The following MAP4K5 variants were observed in gnomAD, a reference collection of about 807,000 sequenced individuals.
MAP4K5 encodes MAPK/ERK kinase kinase kinase 5.
Under a neutral mutation model 135.6 loss-of-function variants are expected in MAP4K5, and 82 were observed. The ratio of observed to expected loss-of-function variants is 0.60; its 90% confidence interval spans 0.51 to 0.73. The LOEUF (loss-of-function observed/expected upper bound fraction) is 0.73, where lower values mean the gene tolerates loss of function less well. Among genes scored for constraint, MAP4K5 ranks in the 30% least tolerant of loss-of-function variants. MAP4K5 has a pLI of 0.00. For missense variants in MAP4K5, 907 were observed against 1,010.9 expected (o/e 0.90, Z 1.39); for synonymous variants, 347 against 335.0 (o/e 1.04, Z -0.39).
chr14:50,529,088 G>C (rs2038329093), intron 2 of MAP4K5, among the ~76,000 whole-genome samples: 1 of 152,074 alleles, frequency 6.6e-6, no homozygotes, highest in African/African-American at 2.4e-5. Context: ...GGTATCATTA[G>C]ACAGCATCAC....
At chr14:50,546,323 TA>T (rs2038630886) in intron 1 of MAP4K5, among the ~76,000 whole-genome samples, 1 of 152,190 alleles carries the variant, frequency 6.6e-6, no homozygotes, top group African/African-American at 2.4e-5. Context: ...CATGAGTTTA[TA>T]ATACTATCTC....
At chr14:50,558,783 A>G (rs1469083877) in intron 1 of MAP4K5, among the ~76,000 whole-genome samples, 1 of 152,220 alleles carries the variant, frequency 6.6e-6, no homozygotes, top group East Asian at 1.9e-4. Flanking sequence ...CTTTTGTTCT[A>G]TGAACTTGGT....
Position 50,500,134 on chromosome 14 carries a change from G to A in MAP4K5, c.166+4666C>T, listed in dbSNP as rs550561588. Among the ~76,000 whole-genome samples, 7 of 152,284 alleles carry A rather than the reference G, an allele frequency of 4.6e-5. 1 individual carries two copies. The highest frequency in any genetic ancestry group is 2.1e-4 in the South Asian group (1 of 4,820). On this transcript the variant is annotated intron_variant, in intron 3 of 32. Transcript: ENST00000682126. Reference sequence around the variant, plus strand: ...AGGAGGAATATTTATTGCAGTGTCCGTTACATGCTTACACTGTCCCAAGTG... The same window carrying A: ...AGGAGGAATATTTATTGCAGTGTCCATTACATGCTTACACTGTCCCAAGTG...
At chr14:50,488,130 T>TA (rs1326914765) in intron 3 of MAP4K5, among the ~76,000 whole-genome samples, 2 of 152,066 alleles carry the variant, frequency 1.3e-5, no homozygotes, top group African/African-American at 4.8e-5. Flanking sequence ...TCAGGAAACT[T>TA]ACAATCATGG....
intron 3 of MAP4K5, among the ~76,000 whole-genome samples, chr14:50,490,034 A>T (rs2037447165): frequency 6.6e-6 from 1 of 151,826 alleles, no homozygotes; most frequent in South Asian, 2.1e-4. Context: ...ACCACTGAAG[A>T]CAGATGCTTA....
chr14:50,457,332 G>C (rs1420571591), intron 13 of MAP4K5, among the ~76,000 whole-genome samples: 3 of 152,196 alleles, frequency 2.0e-5, no homozygotes, highest in African/African-American at 7.2e-5. Flanking sequence ...AAATATGTAT[G>C]AGACTATGGA....
chr14:50,538,925 T>C (rs1041436191), intron 2 of MAP4K5, among the ~76,000 whole-genome samples: 2 of 152,212 alleles, frequency 1.3e-5, no homozygotes, highest in Admixed American at 6.5e-5. Flanking sequence ...CCTCAAGCAA[T>C]CGACCTACCT....
chr14:50,466,455 G>A, intron 11 of MAP4K5, 128 bp downstream of exon 11: 1 of 416,114 alleles, frequency 2.4e-6, no homozygotes, highest in Non-Finnish European at 4.5e-6. Context: ...AAGCAAATCA[G>A]CTGTGTAACT....
intron 6 of MAP4K5, 106 bp downstream of exon 6, chr14:50,482,255 G>A: frequency 1.7e-6 from 1 of 596,970 alleles, no homozygotes; most frequent in Non-Finnish European, 2.8e-6. Flanking sequence ...CTTTAAGGTA[G>A]ACTATCATTT....
intron 21 of MAP4K5, among the ~76,000 whole-genome samples, chr14:50,441,432 C>A (rs187673617): frequency 7.9e-5 from 12 of 152,164 alleles, no homozygotes; most frequent in Admixed American, 2.6e-4. Context: ...TTATTCCCAT[C>A]AAAAATGCAT....
At chr14:50,555,531 G>A (rs896822526) in intron 1 of MAP4K5, among the ~76,000 whole-genome samples, 3 of 152,134 alleles carry the variant, frequency 2.0e-5, no homozygotes, top group African/African-American at 4.8e-5. Flanking sequence ...CAATCTGCCC[G>A]CCTTGGCCTC....
intron 28 of MAP4K5, among the ~76,000 whole-genome samples, chr14:50,430,316 C>T (rs1474605591): frequency 6.6e-6 from 1 of 152,154 alleles, no homozygotes; most frequent in African/African-American, 2.4e-5. Flanking sequence ...TTACAAAGAA[C>T]TTGGTGACCA....
chr14:50,466,678 C>A, intron 10 of MAP4K5, 33 bp from the exon 11 acceptor site: 1 of 898,358 alleles, frequency 1.1e-6, no homozygotes, highest in Non-Finnish European at 1.8e-6. Context: ...AGAACAATAT[C>A]AAAATTACTA....
chr14:50,429,246 C>A lies in MAP4K5; in HGVS notation c.2179G>T (p.Asp727Tyr). The A allele has an allele frequency of 6.4e-7, 1 of 1,562,652 alleles. No individual in the cohort carries two copies. The highest frequency in any genetic ancestry group is 8.7e-7 in the Non-Finnish European group (1 of 1,151,612). ...TCCAACTGTGTTACATGAATGGAAT[C>A]TAACTGCTGGCTGCCTTAGGAAGTA... ...TEIGAGSQQL[D>Y]SIHVTQLERD... The change falls in exon 29 of 33, where the codon GAT becomes TAT. Residue 727 changes from aspartate (D) to tyrosine (Y), a missense_variant. Physicochemically the swap from Asp to Tyr is radical, Grantham distance 160. Around this residue, in one of 3 missense-constraint regions of MAP4K5, gnomAD observed 690 missense variants for 777.4 expected, o/e 0.89. Coordinates refer to ENST00000682126, the MANE Select transcript of MAP4K5 (RefSeq NM_006575.6).
intron 1 of MAP4K5, among the ~76,000 whole-genome samples, chr14:50,544,104 G>T (rs970805752): frequency 5.9e-5 from 9 of 152,198 alleles, no homozygotes; most frequent in East Asian, 5.8e-4. Flanking sequence ...ATTCACTAGG[G>T]TGTCTCTTAG....
intron 3 of MAP4K5, among the ~76,000 whole-genome samples, chr14:50,491,497 A>G (rs983502620): frequency 1.3e-5 from 2 of 151,628 alleles, no homozygotes; most frequent in South Asian, 2.1e-4. Flanking sequence ...GGGTTTCACC[A>G]TGTTGGCCAG....
intron 14 of MAP4K5, among the ~76,000 whole-genome samples, chr14:50,452,653 T>C (rs6572668): frequency 0.86 from 131,197 of 152,178 alleles, 58,311 homozygotes; most frequent in Non-Finnish European, 0.96. Context: ...ATAAATAGAA[T>C]TTTGCCAGGT....
At chr14:50,532,577 G>T (rs1379449087), upstream of MAP4K5, 1 of 152,740 alleles carries the variant, frequency 6.5e-6, no homozygotes, top group Non-Finnish European at 1.5e-5. Context: ...TACAGTCGCC[G>T]CCGCCGCCGC....
At chr14:50,551,846 T>C (rs2140160900) in intron 1 of MAP4K5, among the ~76,000 whole-genome samples, 1 of 152,218 alleles carries the variant, frequency 6.6e-6, no homozygotes, top group South Asian at 2.1e-4. Flanking sequence ...AAAATTGTCA[T>C]AGATGGGACA....
Sources: gnomAD v4.1 joint callset for allele counts (sites outside exome capture counted in the v4.1 genomes callset) on GRCh38, gnomAD v4.1.1 for gene constraint, gnomAD v4.1.1 regional missense constraint, MANE v1.5 for transcripts, NCBI Gene and HGNC (gene_info 2026-07-23, HGNC 2026-07-21) for gene names.